The following LEPROTL1 variants were observed in gnomAD, a reference collection of about 807,000 sequenced individuals.
LEPROTL1 encodes the protein leptin receptor overlapping transcript like 1, also known as leptin receptor overlapping transcript-like 1.
A neutral mutation model predicts 15.4 loss-of-function variants in LEPROTL1; 6 were observed. That is an observed-to-expected ratio of 0.39 (90% CI 0.21 to 0.77). The LOEUF (loss-of-function observed/expected upper bound fraction) is 0.77. LEPROTL1 is among the 30% of genes least tolerant of loss of function. LEPROTL1 has a pLI of 0.41. For synonymous variants in LEPROTL1, 56 were observed against 52.6 expected (o/e 1.06, Z -0.28); for missense variants, 128 against 158.1 (o/e 0.81, Z 1.02).
chr8:30,114,083 T>G (rs1202233782), intron 3 of LEPROTL1, among the ~76,000 whole-genome samples: 1 of 152,096 alleles, frequency 6.6e-6, no homozygotes, highest in African/African-American at 2.4e-5. Context: ...CCTCAGAGGC[T>G]CTCTGTTTTA....
intron 3 of LEPROTL1, among the ~76,000 whole-genome samples, chr8:30,126,954 C>T (rs577160213): frequency 6.6e-6 from 1 of 151,996 alleles, no homozygotes; most frequent in Non-Finnish European, 1.5e-5. Context: ...GCATGAGAAT[C>T]GCTTGAACCC....
In LEPROTL1 at chr8:30,104,346, A is replaced by G. The variant is rs753060116; in HGVS notation, c.139A>G (p.Ile47Val). Residue 47 changes from isoleucine to valine, a missense_variant, in exon 3 of 4, where the codon ATT (isoleucine) becomes GTT (valine). Coordinates refer to ENST00000321250, the MANE Select transcript of LEPROTL1 (RefSeq NM_015344.3). ...TCTATTTTTTTACATCCTTTCACCT[A>G]TTCCATACTGCATAGCAAGAAGATT... is the stretch of plus-strand genomic sequence containing the variant. ...FVLFFYILSP[I>V]PYCIARRLVD... The G allele has an allele frequency of 3.7e-6, 6 of 1,603,426 alleles. No individual in the cohort carries two copies. The highest frequency in any genetic ancestry group is 5.1e-6 in the Non-Finnish European group (6 of 1,174,494).
At chr8:30,137,446 A>C in exon 5 of LEPROTL1, 1 of 1,551,726 alleles carries the variant, frequency 6.4e-7, no homozygotes, top group Non-Finnish European at 8.7e-7. Flanking sequence ...ACTTCTGGGC[A>C]GGCCTGCTCT....
At chr8:30,100,926 C>G (rs940920714) in intron 1 of LEPROTL1, among the ~76,000 whole-genome samples, 12 of 152,024 alleles carry the variant, frequency 7.9e-5, no homozygotes, top group African/African-American at 2.7e-4. Flanking sequence ...GCATCTATTG[C>G]TTATAATAAC....
intron 4 of LEPROTL1, chr8:30,137,202 C>G: frequency 1.7e-6 from 2 of 1,165,730 alleles, no homozygotes; most frequent in East Asian, 2.6e-5. Flanking sequence ...TTCCTCTCAT[C>G]TCAGGGATCT....
At chr8:30,109,043 GA>G (rs1410868783), downstream of LEPROTL1, among the ~76,000 whole-genome samples, 2 of 34,864 alleles carry the variant, frequency 5.7e-5, no homozygotes, top group Non-Finnish European at 1.2e-4. Context: ...CCCCCGCCCC[GA>G]AAAAAAGTGC....
At position 30,105,820 on chromosome 8, in the gene LEPROTL1, G is replaced by C; in HGVS notation, c.354G>C (p.Leu118Phe). The change falls in exon 4 of 4, where the codon TTG becomes TTC. Residue 118 changes from leucine (L) to phenylalanine (F), a missense_variant. Transcript: ENST00000321250. Reference sequence around the variant, plus strand: ...TTGCAACTATACTAGGCTTTTTCTTGGTCTTTGGAAGCAATGACGACTTCA... The same window carrying C: ...TTGCAACTATACTAGGCTTTTTCTTCGTCTTTGGAAGCAATGACGACTTCA... The part of the protein sequence containing the change: ...VIFATILGFF[L>F]VFGSNDDFSW... The C allele has an allele frequency of 6.4e-7, 1 of 1,562,304 alleles. No homozygotes were observed. Among genetic ancestry groups the C allele is most frequent in the Non-Finnish European group, 8.6e-7 (1 of 1,157,578 alleles).
intron 1 of LEPROTL1, 72 bp downstream of exon 1, chr8:30,095,600 C>G: frequency 8.3e-7 from 1 of 1,197,654 alleles, no homozygotes; most frequent in Non-Finnish European, 1.1e-6. Flanking sequence ...CCCACGCGGC[C>G]CCCGCACTTC....
In LEPROTL1 at chr8:30,108,003, T is replaced by C. The variant is rs2656; in HGVS notation, c.*2141T>C. The stretch of plus-strand genomic sequence containing the variant: ...TTCCATAGAATATGCACTGATACAA[T>C]ATTACCATTCTTCTATGGAAAGAAA... On this transcript the variant is annotated 3_prime_UTR_variant, in exon 4 of 4. Coordinates refer to ENST00000321250, the MANE Select transcript of LEPROTL1 (RefSeq NM_015344.3). 0.94 allele frequency: 902,512 copies of C among 956,492 alleles called. 426,718 individuals are homozygous for C. Among genetic ancestry groups the C allele is most frequent in the East Asian group, 1 (8,671 of 8,674 alleles). The allele number at this position is 956,492 out of a possible 1,614,324, so 59.3% of individuals were successfully genotyped here. A position where few individuals can be genotyped will look rare whatever the true frequency, so the allele number is the denominator to read the frequency against.
At chr8:30,127,859 A>G (rs1802930681) in intron 3 of LEPROTL1, among the ~76,000 whole-genome samples, 2 of 151,926 alleles carry the variant, frequency 1.3e-5, no homozygotes, top group African/African-American at 4.8e-5. Flanking sequence ...GATATTCCAG[A>G]AGGTTAGTGA....
At chr8:30,096,759 C>T (rs551843460) in intron 1 of LEPROTL1, among the ~76,000 whole-genome samples, 1 of 152,236 alleles carries the variant, frequency 6.6e-6, no homozygotes, top group Admixed American at 6.5e-5. Context: ...TTCTCCAGAC[C>T]TAGGGAAATA....
At chr8:30,111,976 A>G (rs1224375435), downstream of LEPROTL1, among the ~76,000 whole-genome samples, 1 of 152,224 alleles carries the variant, frequency 6.6e-6, no homozygotes, top group African/African-American at 2.4e-5. Flanking sequence ...TTAAAGGAAT[A>G]AAAGCAGGTT....
chr8:30,106,447 C>G lies in LEPROTL1; in HGVS notation c.*585C>G. The G allele has an allele frequency of 1.0e-6, 1 of 985,708 alleles. No individual in the cohort carries two copies. Among genetic ancestry groups the G allele is most frequent in the Middle Eastern group, 5.2e-4 (1 of 1,912 alleles). The allele number at this position is 985,708 out of a possible 1,614,324, so 61.1% of individuals were successfully genotyped here. A position where few individuals can be genotyped will look rare whatever the true frequency, so the allele number is the denominator to read the frequency against. On this transcript the variant is annotated 3_prime_UTR_variant, in exon 4 of 4. Transcript: ENST00000321250. ...AGGGGCCAAGTGTTAATGCCCATGCCCTCCGTTAAGGGTTGTTGGTTTTAC... is the reference window on the plus strand; with the variant it reads ...AGGGGCCAAGTGTTAATGCCCATGCGCTCCGTTAAGGGTTGTTGGTTTTAC...
intron 3 of LEPROTL1, among the ~76,000 whole-genome samples, chr8:30,127,933 G>A (rs1045176430): frequency 3.3e-5 from 5 of 152,108 alleles, no homozygotes; most frequent in Non-Finnish European, 7.4e-5. Flanking sequence ...ATGTAGCAAA[G>A]GGAATTCAGG....
chr8:30,111,904 CGAT>C (rs1233858364), downstream of LEPROTL1, among the ~76,000 whole-genome samples: 7 of 151,908 alleles, frequency 4.6e-5, no homozygotes, highest in Non-Finnish European at 7.4e-5. Context: ...GATTCTGACA[CGAT>C]GATCTCTGGA....
exon 4 of LEPROTL1, chr8:30,132,449 C>T (rs1014636960): frequency 1.9e-6 from 3 of 1,551,610 alleles, no homozygotes; most frequent in African/African-American, 1.4e-5. Context: ...AAGCCCGCTG[C>T]GTGGAGGAGG....
intron 4 of LEPROTL1, among the ~76,000 whole-genome samples, chr8:30,137,031 A>G (rs1041930147): frequency 2.6e-5 from 4 of 152,062 alleles, no homozygotes; most frequent in Non-Finnish European, 4.4e-5. Context: ...AATTCTAGGT[A>G]TAGTCAGGAG....
At chr8:30,098,120 C>G (rs1447661689) in intron 1 of LEPROTL1, among the ~76,000 whole-genome samples, 1 of 152,074 alleles carries the variant, frequency 6.6e-6, no homozygotes. Context: ...GTTGTTTCCT[C>G]CCTCCTGTCA....
exon 5 of LEPROTL1, chr8:30,137,546 G>A (rs1005506988): frequency 8.1e-6 from 11 of 1,359,224 alleles, no homozygotes; most frequent in East Asian, 5.1e-5. Flanking sequence ...TAGGCAACAC[G>A]TGGCAGTGAT....
Sources: gnomAD v4.1 joint callset for allele counts (sites outside exome capture counted in the v4.1 genomes callset) on GRCh38, gnomAD v4.1.1 for gene constraint, MANE v1.5 for transcripts, NCBI Gene and HGNC (gene_info 2026-07-23, HGNC 2026-07-21) for gene names.